ZFHX3: variants seen among roughly 807,000 people sequenced by gnomAD.
ZFHX3 encodes zinc finger homeobox protein 3.
A neutral mutation model predicts 279.1 loss-of-function variants in ZFHX3; 42 were observed. The observed-to-expected ratio is 0.15, with a 90% CI of 0.12 to 0.19. The LOEUF is 0.19. Ranked by LOEUF, ZFHX3 falls within the 10% of genes least tolerant of loss-of-function variation. The probability of loss-of-function intolerance (pLI) is 1.00; values close to 1 mark genes in which losing one functional copy is unlikely to be tolerated. For synonymous variants in ZFHX3, 2,293 were observed against 1,957.8 expected (o/e 1.17, Z -4.52); for missense variants, 4,981 against 4,754.0 (o/e 1.05, Z -1.40).
At chr16:73,720,724 T>TA (rs2053465907) in intron 1 of ZFHX3, among the ~76,000 whole-genome samples, 1 of 152,234 alleles carries the variant, frequency 6.6e-6, no homozygotes, top group African/African-American at 2.4e-5. Flanking sequence ...TTTTCTCTCA[T>TA]ACTTTTCCAT....
At chr16:73,526,393 A>T (rs570104283) in intron 2 of ZFHX3, among the ~76,000 whole-genome samples, 4 of 152,352 alleles carry the variant, frequency 2.6e-5, no homozygotes, top group Non-Finnish European at 5.9e-5. Flanking sequence ...CCAAGTCTTG[A>T]GCGTAAGCTG....
chr16:72,957,356 C>A, intron 2 of ZFHX3, 71 bp downstream of exon 2: 2 of 1,515,002 alleles, frequency 1.3e-6, no homozygotes, highest in Non-Finnish European at 1.8e-6. Flanking sequence ...ACAGGACTAT[C>A]TCACCCTATT....
intron 2 of ZFHX3, among the ~76,000 whole-genome samples, chr16:73,662,074 G>T (rs2052791438): frequency 6.8e-6 from 1 of 147,062 alleles, no homozygotes; most frequent in Admixed American, 7.0e-5. Context: ...GGCTGTACTT[G>T]ATAAAATGCT....
chr16:73,653,454 T>C lies in ZFHX3; in HGVS notation c.-1547+26726A>G, dbSNP rs1227383098. Among the ~76,000 whole-genome samples, 5 of 152,158 alleles carry C rather than the reference T, an allele frequency of 3.3e-5. No homozygotes were observed. In the East Asian group the frequency reaches 9.6e-4, roughly 29 times the overall value. On this transcript the variant is annotated intron_variant, in intron 2 of 17. Coordinates refer to the ZFHX3 transcript ENST00000641206. ...AAAAATAAAACTAGAAAATCTCCCA[T>C]CAGTTTGGAAATTAGAGAAATATTG...
Position 72,949,271 on chromosome 16 carries a change from C to A in ZFHX3, c.3216+1198G>T, listed in dbSNP as rs574004456. Among the ~76,000 whole-genome samples the A allele has an allele frequency of 4.6e-5, 7 of 152,270 alleles. No individual in the cohort carries two copies. In the South Asian group the frequency reaches 1.2e-3, roughly 27 times the overall value. ...TCAACTAGCTCGGGGCCAGCAGAAA[C>A]CAAACACTCGTGGGCCCAAAGACGC... On this transcript the variant is annotated intron_variant, in intron 3 of 9. Transcript: ENST00000268489.
At chr16:73,461,046 C>A (rs1415377260) in intron 2 of ZFHX3, among the ~76,000 whole-genome samples, 1 of 152,216 alleles carries the variant, frequency 6.6e-6, no homozygotes, top group Non-Finnish European at 1.5e-5. Flanking sequence ...CAAACTAATA[C>A]AGCAACCTTG....
rs546761843 is a variant in ZFHX3 at position 73,541,786 on chromosome 16, C to CTTT, written c.-1546-85531_-1546-85529dup. Among the ~76,000 whole-genome samples, 144 of 88,116 alleles carry CTTT rather than the reference C, an allele frequency of 1.6e-3. 7 individuals carry two copies. Among genetic ancestry groups the CTTT allele is most frequent in the African/African-American group, 4.1e-3 (99 of 24,408 alleles). The allele number at this position is 88,116 out of a possible 152,430, so 57.8% of individuals were successfully genotyped here. On this transcript the variant is annotated intron_variant, in intron 2 of 17. Transcript: ENST00000641206. ...TCCTGCCCTCCTGTTTGGTGGTTCTCTTTTTTTTTTTTTTTTTTTTTTTTT... is the reference window on the plus strand; with the variant it reads ...TCCTGCCCTCCTGTTTGGTGGTTCTCTTTTTTTTTTTTTTTTTTTTTTTTTTTT...
chr16:73,261,762 G>A (rs190389110), intron 4 of ZFHX3, among the ~76,000 whole-genome samples: 10 of 134,072 alleles, frequency 7.5e-5, no homozygotes, highest in African/African-American at 2.5e-4. Context: ...CGCAACTTCC[G>A]CCTCCCGGGT....
intron 1 of ZFHX3, among the ~76,000 whole-genome samples, chr16:72,995,450 G>A (rs533885730): frequency 4.6e-5 from 7 of 152,292 alleles, no homozygotes; most frequent in African/African-American, 1.4e-4. Context: ...ATAACTTCCA[G>A]TCCTGAAATA....
chr16:73,441,588 G>T (rs1009147498), intron 3 of ZFHX3, among the ~76,000 whole-genome samples: 5 of 152,074 alleles, frequency 3.3e-5, no homozygotes, highest in Non-Finnish European at 5.9e-5. Context: ...CTCCAAGCCA[G>T]GGGTAACGAC....
chr16:73,814,488 G>A (rs1960509610), intron 1 of ZFHX3, among the ~76,000 whole-genome samples: 2 of 151,984 alleles, frequency 1.3e-5, no homozygotes, highest in Non-Finnish European at 2.9e-5. Context: ...TTTTGGTAAA[G>A]ATGCATTTAC....
At chr16:73,320,508 A>T (rs2015554231) in intron 3 of ZFHX3, among the ~76,000 whole-genome samples, 1 of 152,212 alleles carries the variant, frequency 6.6e-6, no homozygotes, top group African/African-American at 2.4e-5. Context: ...TCCTTTGGAA[A>T]TCGGGTTTCC....
intron 2 of ZFHX3, among the ~76,000 whole-genome samples, chr16:73,543,361 A>G (rs987125976): frequency 6.6e-6 from 1 of 152,208 alleles, no homozygotes; most frequent in African/African-American, 2.4e-5. Context: ...CTACAATTAT[A>G]TGGAACGCCT....
rs1377707517 is a variant in ZFHX3, at chr16:73,875,168, C to T, written c.-1608+16483G>A. ...CCAAATAACATAAAATATTTAGTTT[C>T]CCTCACCCAACCCATAAAAAGATAA... On this transcript the variant is annotated intron_variant, in intron 1 of 17. Transcript: ENST00000641206. Among the ~76,000 whole-genome samples the T allele has an allele frequency of 3.3e-5, 5 of 152,118 alleles. No individual in the cohort carries two copies. In the East Asian group the frequency reaches 9.6e-4, roughly 29 times the overall value.
At chr16:73,481,746 G>T (rs765510817) in intron 2 of ZFHX3, among the ~76,000 whole-genome samples, 1 of 152,120 alleles carries the variant, frequency 6.6e-6, no homozygotes, top group Non-Finnish European at 1.5e-5. Flanking sequence ...TCCCACCTCT[G>T]CCTCTCAAAG....
In ZFHX3 at chr16:72,919,323, T is replaced by A. The variant is rs904643440; in HGVS notation, c.3217-29361A>T. 4.6e-5 allele frequency among the ~76,000 whole-genome samples: 7 copies of A among 152,232 alleles called. No homozygotes were observed. In the East Asian group the frequency reaches 1.4e-3, roughly 29 times the overall value. On this transcript the variant is annotated intron_variant, in intron 3 of 9. Coordinates refer to ENST00000268489, the MANE Select transcript of ZFHX3 (RefSeq NM_006885.4). ...ACAGGCGTGCACCACCACACCTGGC[T>A]AATTTTTGTATTTTTTTGTAGAGAT...
intron 2 of ZFHX3, among the ~76,000 whole-genome samples, chr16:73,553,040 T>C (rs200259139): frequency 6.6e-6 from 1 of 152,170 alleles, no homozygotes; most frequent in Admixed American, 6.5e-5. Flanking sequence ...CCTAATCACA[T>C]CGCCTGTGAA....
intron 1 of ZFHX3, among the ~76,000 whole-genome samples, chr16:73,012,861 C>T (rs147745677): frequency 0.011 from 1,625 of 152,214 alleles, 37 homozygotes; most frequent in African/African-American, 0.037. Context: ...AATGGTGATT[C>T]CATATGGTTC....
chr16:73,768,143 T>A (rs1292583970), intron 1 of ZFHX3, among the ~76,000 whole-genome samples: 1 of 152,160 alleles, frequency 6.6e-6, no homozygotes, highest in African/African-American at 2.4e-5. Flanking sequence ...TTCCCTCCTA[T>A]CACTCTCTAA....
Sources: gnomAD v4.1 joint callset for allele counts (sites outside exome capture counted in the v4.1 genomes callset) on GRCh38, gnomAD v4.1.1 for gene constraint, MANE v1.5 for transcripts, NCBI Gene and HGNC (gene_info 2026-07-23, HGNC 2026-07-21) for gene names.